The following FBXL17 variants were observed in gnomAD, a reference collection of about 807,000 sequenced individuals.
The protein encoded by FBXL17 is F-box and leucine rich repeat protein 17, also known as F-box/LRR-repeat protein 17.
FBXL17 carries 22 observed loss-of-function variants against 66.2 expected under a neutral mutation model. That is an observed-to-expected ratio of 0.33 (90% CI 0.24 to 0.47). FBXL17 has a LOEUF of 0.47. Ranked by LOEUF, FBXL17 falls within the 20% of genes least tolerant of loss-of-function variation. The probability of loss-of-function intolerance (pLI) is 1.00; values close to 1 mark genes in which losing one functional copy is unlikely to be tolerated. For synonymous variants in FBXL17, 474 were observed against 400.5 expected, an observed-to-expected ratio of 1.18 and a Z score of -2.19; for missense variants, 878 against 948.2, an observed-to-expected ratio of 0.93 and a Z score of 0.97.
In FBXL17 at chr5:108,039,981, T is replaced by C. The variant is rs555106477; in HGVS notation, c.1746-18980A>G. 3.0e-4 allele frequency among the ~76,000 whole-genome samples: 46 copies of C among 152,318 alleles called. 1 individual carries two copies. The South Asian group carries it at 8.1e-3, about 27-fold the overall frequency. On this transcript the variant is annotated intron_variant, in intron 6 of 8. Coordinates refer to ENST00000542267, the MANE Select transcript of FBXL17 (RefSeq NM_001163315.3). ...GTAAAAATGTTGAAGCACATTACTT[T>C]AGATCTTGGGAAACAAAATAGAAAA...
chr5:107,945,951 A>G (rs1359884845), intron 7 of FBXL17, among the ~76,000 whole-genome samples: 1 of 152,052 alleles, frequency 6.6e-6, no homozygotes, highest in Non-Finnish European at 1.5e-5. Context: ...TAGAGCATGT[A>G]CCCCTATAAC....
Position 108,270,144 on chromosome 5 carries a change from G to A in FBXL17, c.1507-45916C>T, listed in dbSNP as rs2150136376. Among the ~76,000 whole-genome samples, 3 of 152,054 alleles carry A rather than the reference G, an allele frequency of 2.0e-5. No individual in the cohort carries two copies. In the South Asian group the frequency reaches 6.2e-4, roughly 32 times the overall value. On this transcript the variant is annotated intron_variant, in intron 4 of 8. Coordinates refer to ENST00000542267, the MANE Select transcript of FBXL17 (RefSeq NM_001163315.3). Reference sequence around the variant, plus strand: ...CCAGCATCTAAAAGCACCCAGGAGAGGTAAAAAGTACACATGCCAGGTATG... The same window carrying A: ...CCAGCATCTAAAAGCACCCAGGAGAAGTAAAAAGTACACATGCCAGGTATG...
chr5:108,381,368 G>T lies in FBXL17; in HGVS notation c.324C>A (p.Ala108=). Residue 108 remains alanine, a synonymous_variant, in exon 1 of 9, where the codon GCC becomes GCA. Coordinates refer to ENST00000542267, the MANE Select transcript of FBXL17 (RefSeq NM_001163315.3). The stretch of plus-strand genomic sequence containing the variant: ...GGGCAGCAGCGGCGCAGTCCTCGGC[G>T]GCCAGGGCCGCGTAGCGCCGCGCCA... ...QHLARRYAAL[A]AEDCAAAARR... The T allele has an allele frequency of 7.5e-7, 1 of 1,334,706 alleles. No homozygotes were observed. The allele number at this position is 1,334,706 out of a possible 1,614,324, so 82.7% of individuals were successfully genotyped here.
chr5:107,935,386 G>A (rs1449175577), intron 7 of FBXL17, among the ~76,000 whole-genome samples: 2 of 145,432 alleles, frequency 1.4e-5, no homozygotes, highest in African/African-American at 2.6e-5. Context: ...TTAAACAAAA[G>A]AGGCATCTCT....
chr5:108,320,739 A>G (rs904130096), intron 4 of FBXL17, among the ~76,000 whole-genome samples: 4 of 151,844 alleles, frequency 2.6e-5, no homozygotes, highest in African/African-American at 9.7e-5. Context: ...CATTTTTACA[A>G]TTAAGAAAAT....
At chr5:108,252,761 A>G (rs1278436385) in intron 4 of FBXL17, among the ~76,000 whole-genome samples, 1 of 152,196 alleles carries the variant, frequency 6.6e-6, no homozygotes, top group Non-Finnish European at 1.5e-5. Context: ...AGCTGTATAC[A>G]TACCAAATTT....
At chr5:108,298,278 G>C (rs2150173355) in intron 4 of FBXL17, 1 of 984,682 alleles carries the variant, frequency 1.0e-6, no homozygotes, top group Middle Eastern at 5.2e-4. Context: ...ATGTGAACAA[G>C]ACACACAGAA....
At chr5:108,342,788 G>A (rs899318071) in intron 4 of FBXL17, among the ~76,000 whole-genome samples, 6 of 152,048 alleles carry the variant, frequency 3.9e-5, no homozygotes, top group Non-Finnish European at 8.8e-5. Context: ...ATAGTACCTG[G>A]TATATTAAAA....
At chr5:108,180,625 C>G (rs943396832) in intron 6 of FBXL17, among the ~76,000 whole-genome samples, 1 of 152,046 alleles carries the variant, frequency 6.6e-6, no homozygotes, top group Admixed American at 6.6e-5. Flanking sequence ...GGATAACAGT[C>G]TAAGATTTAA....
At chr5:108,368,454 C>A (rs1561558969) in intron 1 of FBXL17, among the ~76,000 whole-genome samples, 1 of 152,040 alleles carries the variant, frequency 6.6e-6, no homozygotes. Flanking sequence ...TTTATGGTAT[C>A]TTTTCCAAAA....
intron 4 of FBXL17, among the ~76,000 whole-genome samples, chr5:108,240,103 C>A (rs1467176537): frequency 6.6e-6 from 1 of 152,070 alleles, no homozygotes; most frequent in Non-Finnish European, 1.5e-5. Context: ...GACTTAAGTG[C>A]TGGCTTCACG....
At chr5:108,241,309 A>G (rs1755844486) in intron 4 of FBXL17, among the ~76,000 whole-genome samples, 1 of 152,208 alleles carries the variant, frequency 6.6e-6, no homozygotes, top group Non-Finnish European at 1.5e-5. Context: ...AGACTAAAAT[A>G]TATTTTTTTA....
At chr5:108,002,139 C>G (rs1041962075) in intron 7 of FBXL17, among the ~76,000 whole-genome samples, 10 of 150,726 alleles carry the variant, frequency 6.6e-5, no homozygotes, top group Non-Finnish European at 1.2e-4. Flanking sequence ...CCTCAGCCTC[C>G]TGAGTAGCTG....
intron 6 of FBXL17, among the ~76,000 whole-genome samples, chr5:108,045,309 G>T (rs1487829553): frequency 6.6e-6 from 1 of 152,038 alleles, no homozygotes; most frequent in Non-Finnish European, 1.5e-5. Flanking sequence ...GGGCATGGTG[G>T]TGCGCACCTG....
chr5:108,093,523 T>C (rs1055947417), intron 6 of FBXL17, among the ~76,000 whole-genome samples: 9 of 152,312 alleles, frequency 5.9e-5, no homozygotes, highest in South Asian at 2.1e-4. Flanking sequence ...CTTGAAAAGC[T>C]GAAAAGGTAA....
chr5:107,986,568 G>A (rs1753020033), intron 7 of FBXL17, among the ~76,000 whole-genome samples: 1 of 151,146 alleles, frequency 6.6e-6, no homozygotes, highest in African/African-American at 2.4e-5. Flanking sequence ...AATATAACAG[G>A]GATACCTACT....
chr5:108,051,585 C>T (rs990039773), intron 6 of FBXL17, among the ~76,000 whole-genome samples: 1 of 152,120 alleles, frequency 6.6e-6, no homozygotes, highest in African/African-American at 2.4e-5. Context: ...ATTGATGAAA[C>T]ATATGTCAAA....
intron 6 of FBXL17, among the ~76,000 whole-genome samples, chr5:108,130,239 AG>A (rs758145059): frequency 1.3e-5 from 2 of 151,872 alleles, no homozygotes; most frequent in Non-Finnish European, 2.9e-5. Flanking sequence ...AAGAAATGAC[AG>A]GAAAAAAAAA....
chr5:108,299,470 A>G (rs1758490698), intron 4 of FBXL17: 1 of 935,030 alleles, frequency 1.1e-6, no homozygotes, highest in South Asian at 4.9e-5. Flanking sequence ...AAGTACTTAA[A>G]TCACAATCTA....
Sources: gnomAD v4.1 joint callset for allele counts (sites outside exome capture counted in the v4.1 genomes callset) on GRCh38, gnomAD v4.1.1 for gene constraint, MANE v1.5 for transcripts, NCBI Gene and HGNC (gene_info 2026-07-23, HGNC 2026-07-21) for gene names.